The following WDR7 variants were observed in gnomAD, a reference collection of about 807,000 sequenced individuals.
The protein encoded by WDR7 is WD repeat domain 7.
WDR7 carries 46 observed loss-of-function variants against 169.4 expected under a neutral mutation model. The ratio of observed to expected loss-of-function variants is 0.27; its 90% CI spans 0.21 to 0.35. The LOEUF is 0.35. Ranked by LOEUF, WDR7 falls within the 10% of genes least tolerant of loss-of-function variation. WDR7 has a pLI of 1.00. For missense variants in WDR7, 1,534 were observed against 1,859.3 expected (o/e 0.83, Z 3.22); for synonymous variants, 612 against 666.8 (o/e 0.92, Z 1.27).
At chr18:56,723,249 T>G (rs2026364123) in intron 13 of WDR7, among the ~76,000 whole-genome samples, 1 of 152,092 alleles carries the variant, frequency 6.6e-6, no homozygotes, top group South Asian at 2.1e-4. Flanking sequence ...CTATGATATT[T>G]TAAGGAAATT....
In WDR7 at chr18:56,672,489, AT is replaced by A; in HGVS notation, c.-19-4del. On this transcript the variant is annotated splice_polypyrimidine_tract_variant and splice_region_variant and intron_variant, in intron 1 of 27. Coordinates refer to ENST00000254442, the MANE Select transcript of WDR7 (RefSeq NM_015285.3). ...TGTAATATCTGACAATTTTTATAAC[AT>A]TTTCAGGTTTGAAAACACAAACACA... The A allele has an allele frequency of 1.4e-6, 2 of 1,477,934 alleles. No individual in the cohort carries two copies. The highest frequency in any genetic ancestry group is 2.3e-5 in the Admixed American group (1 of 43,212). The allele number at this position is 1,477,934 out of a possible 1,614,324, so 91.6% of individuals were successfully genotyped here. A position where few individuals can be genotyped will look rare whatever the true frequency, so the allele number is the denominator to read the frequency against.
intron 16 of WDR7, among the ~76,000 whole-genome samples, chr18:56,762,203 A>G (rs1412107140): frequency 3.3e-5 from 5 of 151,982 alleles, no homozygotes; most frequent in Non-Finnish European, 7.4e-5. Context: ...ATTTTCTTAT[A>G]AATTATTGTA....
chr18:56,727,887 G>T (rs116352295), intron 13 of WDR7, among the ~76,000 whole-genome samples: 1,723 of 152,198 alleles, frequency 0.011, 34 homozygotes, highest in African/African-American at 0.039. Context: ...AACTTTTCCA[G>T]TTGTTCCACT....
chr18:56,692,821 T>G (rs953830180), intron 9 of WDR7, among the ~76,000 whole-genome samples: 2 of 152,204 alleles, frequency 1.3e-5, no homozygotes, highest in African/African-American at 4.8e-5. Flanking sequence ...TTATTACAGC[T>G]GCTGTAGCAA....
intron 14 of WDR7, among the ~76,000 whole-genome samples, chr18:56,755,803 C>G (rs1293890269): frequency 6.6e-6 from 1 of 152,182 alleles, no homozygotes; most frequent in African/African-American, 2.4e-5. Context: ...CCAGGAGGTA[C>G]TCTCCAGATA....
chr18:56,696,232 T>A lies in WDR7; in HGVS notation c.1358-10T>A. 1 of 1,593,500 alleles carries A rather than the reference T, an allele frequency of 6.3e-7. No homozygotes were observed. The highest frequency in any genetic ancestry group is 8.6e-7 in the Non-Finnish European group (1 of 1,168,844). ...ATTTTCCCATTTTAAATCCAAACCC[T>A]CATTCACAGGTTGGCCACCTCACAG... On this transcript the variant is annotated splice_polypyrimidine_tract_variant and intron_variant, in intron 11 of 27. Transcript: ENST00000254442.
At chr18:56,754,532 G>A (rs1247417104) in intron 14 of WDR7, among the ~76,000 whole-genome samples, 1 of 152,024 alleles carries the variant, frequency 6.6e-6, no homozygotes, top group Non-Finnish European at 1.5e-5. Flanking sequence ...ACTGGTGTGT[G>A]TGTGTATGTG....
chr18:56,964,424 A>G (rs913607762), intron 26 of WDR7, among the ~76,000 whole-genome samples: 3 of 151,930 alleles, frequency 2.0e-5, no homozygotes, highest in Non-Finnish European at 4.4e-5. Flanking sequence ...AGGCTAGAGT[A>G]CAGAAGGTGT....
At chr18:56,962,612 G>A (rs1198472785) in intron 26 of WDR7, 83 bp downstream of exon 26, 44 of 1,259,264 alleles carry the variant, frequency 3.5e-5, no homozygotes, top group East Asian at 2.8e-4. Flanking sequence ...ACCAGTTGAC[G>A]TGCTGAGCTG....
At chr18:56,978,856 G>A (rs1251253240) in intron 26 of WDR7, among the ~76,000 whole-genome samples, 1 of 152,132 alleles carries the variant, frequency 6.6e-6, no homozygotes, top group Non-Finnish European at 1.5e-5. Flanking sequence ...TCTAAGGCAG[G>A]CTGGATTTGG....
intron 4 of WDR7, among the ~76,000 whole-genome samples, chr18:56,682,198 G>A (rs574876388): frequency 6.6e-6 from 1 of 152,250 alleles, no homozygotes; most frequent in Admixed American, 6.5e-5. Context: ...GATTATGTTT[G>A]AACATCAATC....
intron 19 of WDR7, among the ~76,000 whole-genome samples, chr18:56,797,804 A>G (rs1369925784): frequency 6.6e-6 from 1 of 152,190 alleles, no homozygotes; most frequent in African/African-American, 2.4e-5. Flanking sequence ...TCAGTTAAAC[A>G]AATTGTATTT....
chr18:56,760,584 G>A (rs1456319004), intron 16 of WDR7, among the ~76,000 whole-genome samples: 1 of 152,064 alleles, frequency 6.6e-6, no homozygotes, highest in Non-Finnish European at 1.5e-5. Context: ...TTGGTCATTA[G>A]ACATTTGGAT....
intron 16 of WDR7, among the ~76,000 whole-genome samples, chr18:56,770,931 T>C (rs972583492): frequency 1.3e-5 from 2 of 152,204 alleles, no homozygotes; most frequent in Non-Finnish European, 2.9e-5. Context: ...GGTTTGCATA[T>C]ATTGTTTGTA....
chr18:57,013,348 C>T (rs1211878958), intron 26 of WDR7, among the ~76,000 whole-genome samples: 2 of 152,178 alleles, frequency 1.3e-5, no homozygotes, highest in Non-Finnish European at 2.9e-5. Flanking sequence ...GGGTTGAGGA[C>T]CACTGTTCTG....
intron 12 of WDR7, among the ~76,000 whole-genome samples, chr18:56,702,886 C>T (rs545150159): frequency 2.6e-4 from 40 of 152,140 alleles, no homozygotes; most frequent in Admixed American, 9.2e-4. Context: ...TTTACATTGA[C>T]GATTAAATTC....
At chr18:56,719,919 G>A (rs1008814887) in intron 13 of WDR7, among the ~76,000 whole-genome samples, 15 of 152,224 alleles carry the variant, frequency 9.9e-5, no homozygotes, top group African/African-American at 3.4e-4. Flanking sequence ...CAGAATGTAA[G>A]TGTGTTTATA....
intron 19 of WDR7, 113 bp from the exon 20 acceptor site, chr18:56,815,917 AT>A: frequency 2.5e-6 from 2 of 812,958 alleles, no homozygotes; most frequent in South Asian, 1.9e-5. Flanking sequence ...GAACATATAT[AT>A]TTTTTAATGT....
At chr18:56,923,105 C>T (rs2046749944) in intron 21 of WDR7, among the ~76,000 whole-genome samples, 1 of 151,390 alleles carries the variant, frequency 6.6e-6, no homozygotes, top group Non-Finnish European at 1.5e-5. Flanking sequence ...CTTTCTTCCC[C>T]TCAAAAAAAC....
Sources: gnomAD v4.1 joint callset for allele counts (sites outside exome capture counted in the v4.1 genomes callset) on GRCh38, gnomAD v4.1.1 for gene constraint, MANE v1.5 for transcripts, NCBI Gene and HGNC (gene_info 2026-07-23, HGNC 2026-07-21) for gene names.